RAB4A: variants seen among roughly 807,000 people sequenced by gnomAD.
RAB4A encodes ras-related protein Rab-4A.
A neutral mutation model predicts 34.5 loss-of-function variants in RAB4A; 20 were observed. The ratio of observed to expected loss-of-function variants is 0.58; its 90% CI spans 0.41 to 0.84. The LOEUF is 0.84. Among genes scored for constraint, RAB4A ranks in the 40% least tolerant of loss-of-function variants. The pLI is 0.00. For synonymous variants in RAB4A, 102 were observed against 100.0 expected, an observed-to-expected ratio of 1.02 and a Z score of -0.12; for missense variants, 228 against 274.5, an observed-to-expected ratio of 0.83 and a Z score of 1.20.
chr1:229,278,264 T>C (rs1439952609), intron 1 of RAB4A, among the ~76,000 whole-genome samples: 1 of 152,210 alleles, frequency 6.6e-6, no homozygotes, highest in Non-Finnish European at 1.5e-5. Flanking sequence ...ACACACACTT[T>C]GCACAGCTCC....
At chr1:229,298,313 T>G (rs1657297536) in intron 5 of RAB4A, among the ~76,000 whole-genome samples, 1 of 152,186 alleles carries the variant, frequency 6.6e-6, no homozygotes, top group Admixed American at 6.5e-5. Context: ...GAAATCCATA[T>G]GCCATCATGA....
intron 6 of RAB4A, among the ~76,000 whole-genome samples, chr1:229,302,298 TATA>T (rs1657425198): frequency 3.0e-5 from 1 of 33,522 alleles, no homozygotes; most frequent in African/African-American, 1.4e-4. Context: ...TATATATATA[TATA>T]TATATATATT....
chr1:229,295,833 G>A lies in RAB4A; in HGVS notation c.228-15G>A, dbSNP rs1416908427. 11 of 1,613,832 alleles carry A rather than the reference G, an allele frequency of 6.8e-6. No homozygotes were observed. The highest frequency in any genetic ancestry group is 1.3e-5 in the African/African-American group (1 of 74,918). On this transcript the variant is annotated splice_polypyrimidine_tract_variant and intron_variant, in intron 3 of 7. Transcript: ENST00000366690. Reference sequence around the variant, plus strand: ...TCTCAATTGGTTGAAAGTAAAACCAGTATAATTCTTCCAGGTCCGTGACGA... The same window carrying A: ...TCTCAATTGGTTGAAAGTAAAACCAATATAATTCTTCCAGGTCCGTGACGA...
chr1:229,280,434 C>G (rs1656752793), intron 1 of RAB4A, among the ~76,000 whole-genome samples: 1 of 152,228 alleles, frequency 6.6e-6, no homozygotes, highest in Non-Finnish European at 1.5e-5. Flanking sequence ...ATGGACAGCT[C>G]AGCTGCTTAT....
rs1167114831 is a variant in RAB4A, at chr1:229,302,288, TATATATATATATATATATATA to T, written c.542-573_542-553del. ...ATATATATATATATATATATATATATATATATATATATATATATATATTTTTTTTTTTTTTTTACATGTGCA... is the reference window on the plus strand; with the variant it reads ...ATATATATATATATATATATATATATTTTTTTTTTTTTTTTTACATGTGCA... On this transcript the variant is annotated intron_variant, in intron 6 of 7. Transcript: ENST00000366690. 2.4e-3 allele frequency among the ~76,000 whole-genome samples: 58 copies of T among 24,092 alleles called. 1 individual carries two copies. Among genetic ancestry groups the T allele is most frequent in the African/African-American group, 7.5e-3 (44 of 5,848 alleles). 15.8% of individuals were successfully genotyped at this position (24,092 alleles called of 152,430 possible).
At chr1:229,281,812 A>G (rs1656784242) in intron 1 of RAB4A, among the ~76,000 whole-genome samples, 1 of 43,274 alleles carries the variant, frequency 2.3e-5, no homozygotes, top group African/African-American at 9.0e-5. Flanking sequence ...ATAACTTATC[A>G]TAGTTATATA....
At position 229,295,914 on chromosome 1, in the gene RAB4A, A is replaced by T; in HGVS notation, c.290+4A>T. 1.2e-6 allele frequency: 2 copies of T among 1,614,000 alleles called. No homozygotes were observed. The highest frequency in any genetic ancestry group is 1.7e-6 in the Non-Finnish European group (2 of 1,179,934). ...TCCTCGTCTATGATATCACCAGGTA[A>T]TGCCAGCTCCCCCTGGTGAAGGAGG... On this transcript the variant is annotated splice_donor_region_variant and intron_variant, in intron 4 of 7. Coordinates refer to ENST00000366690, the MANE Select transcript of RAB4A (RefSeq NM_004578.4).
intron 1 of RAB4A, among the ~76,000 whole-genome samples, chr1:229,273,527 C>T (rs1176386929): frequency 6.6e-6 from 1 of 152,144 alleles, no homozygotes; most frequent in East Asian, 1.9e-4. Flanking sequence ...ATCACTTGAG[C>T]TCAGGAGTTC....
chr1:229,293,938 G>A (rs1340851380), intron 3 of RAB4A, among the ~76,000 whole-genome samples: 1 of 152,174 alleles, frequency 6.6e-6, no homozygotes, highest in South Asian at 2.1e-4. Context: ...GCCTTGATGA[G>A]TTGGGCTGCT....
intron 6 of RAB4A, among the ~76,000 whole-genome samples, chr1:229,300,140 G>A (rs1228744365): frequency 6.6e-6 from 1 of 152,214 alleles, no homozygotes; most frequent in Admixed American, 6.5e-5. Flanking sequence ...CTCTGCCTCT[G>A]GAGACGCTGA....
At chr1:229,278,674 T>C (rs1254360230) in intron 1 of RAB4A, among the ~76,000 whole-genome samples, 1 of 152,198 alleles carries the variant, frequency 6.6e-6, no homozygotes, top group Non-Finnish European at 1.5e-5. Context: ...CTTTTCCCTT[T>C]CCACTGGTAG....
chr1:229,278,796 A>G (rs1373087717), intron 1 of RAB4A, among the ~76,000 whole-genome samples: 1 of 152,090 alleles, frequency 6.6e-6, no homozygotes, highest in African/African-American at 2.4e-5. Context: ...TACTTCCTTC[A>G]TTCTTCAACT....
chr1:229,301,331 A>C (rs1041101615), intron 6 of RAB4A, among the ~76,000 whole-genome samples: 2 of 151,988 alleles, frequency 1.3e-5, no homozygotes, highest in African/African-American at 4.8e-5. Context: ...GGGAAGAAGG[A>C]GGGTGCTAGG....
intron 1 of RAB4A, 41 bp downstream of exon 1, chr1:229,271,411 G>A: frequency 1.7e-6 from 2 of 1,203,924 alleles, no homozygotes; most frequent in Non-Finnish European, 2.1e-6. Context: ...GTCGGGCCGC[G>A]GGGGGCGTCG....
intron 1 of RAB4A, among the ~76,000 whole-genome samples, chr1:229,282,862 T>G (rs1383558795): frequency 6.6e-6 from 1 of 152,266 alleles, no homozygotes; most frequent in Non-Finnish European, 1.5e-5. Context: ...TCAAGCATGC[T>G]TGTGTTACTT....
At chr1:229,301,571 C>T (rs945866236) in intron 6 of RAB4A, among the ~76,000 whole-genome samples, 7 of 151,774 alleles carry the variant, frequency 4.6e-5, no homozygotes, top group African/African-American at 1.7e-4. Context: ...ATATTGTATC[C>T]CTGAATGCAT....
intron 1 of RAB4A, among the ~76,000 whole-genome samples, chr1:229,275,332 C>T (rs1192749160): frequency 3.3e-5 from 5 of 152,118 alleles, no homozygotes; most frequent in Non-Finnish European, 7.4e-5. Flanking sequence ...GGCTGGCAAC[C>T]ACCAGAAGCT....
intron 1 of RAB4A, among the ~76,000 whole-genome samples, chr1:229,273,359 C>T (rs1437216556): frequency 6.6e-6 from 1 of 152,212 alleles, no homozygotes; most frequent in Non-Finnish European, 1.5e-5. Flanking sequence ...TTCATGGTAA[C>T]TTCCAAGTAT....
In RAB4A at chr1:229,288,799, T is replaced by C. The variant is rs767837381; in HGVS notation, c.183T>C (p.Tyr61=). The C allele has an allele frequency of 1.9e-6, 3 of 1,594,640 alleles. No homozygotes were observed. The South Asian group carries it at 3.3e-5, about 18-fold the overall frequency. The change falls in exon 3 of 8, where the codon TAT becomes TAC. Residue 61 remains tyrosine (Y), a synonymous_variant. Transcript: ENST00000366690. ...AGATAATAAATGTTGGTGGTAAATA[T>C]GTAAAGTTACAAATATGGGATACAG... ...GSKIINVGGK[Y]VKLQIWDTAG...
Sources: gnomAD v4.1 joint callset for allele counts (sites outside exome capture counted in the v4.1 genomes callset) on GRCh38, gnomAD v4.1.1 for gene constraint, MANE v1.5 for transcripts, NCBI Gene and HGNC (gene_info 2026-07-23, HGNC 2026-07-21) for gene names.